ASAP1: variants seen among roughly 807,000 people sequenced by gnomAD.
ASAP1 encodes ArfGAP with SH3 domain, ankyrin repeat and PH domain 1.
A neutral mutation model predicts 145.2 loss-of-function variants in ASAP1; 43 were observed. The ratio of observed to expected loss-of-function variants is 0.30; its 90% confidence interval spans 0.23 to 0.38. ASAP1 has a LOEUF of 0.38. ASAP1 is among the 10% of genes least tolerant of loss of function. The pLI is 1.00. For missense variants in ASAP1, 1,018 were observed against 1,355.3 expected (o/e 0.75, Z 3.91); for synonymous variants, 546 against 515.5 (o/e 1.06, Z -0.80).
intron 27 of ASAP1, among the ~76,000 whole-genome samples, chr8:130,064,584 C>T (rs2097426347): frequency 6.6e-6 from 1 of 152,176 alleles, no homozygotes; most frequent in Non-Finnish European, 1.5e-5. Context: ...ATCATCAACA[C>T]AGAAGAAAAC....
chr8:130,181,923 C>T (rs1272645218), intron 7 of ASAP1, among the ~76,000 whole-genome samples: 1 of 152,154 alleles, frequency 6.6e-6, no homozygotes, highest in South Asian at 2.1e-4. Flanking sequence ...GTAGGGGAAA[C>T]CAACTCTGAA....
chr8:130,401,766 G>T, intron 2 of ASAP1, 119 bp downstream of exon 2: 1 of 885,248 alleles, frequency 1.1e-6, no homozygotes, highest in Non-Finnish European at 1.8e-6. Context: ...CGTGCACACA[G>T]TCTCTGTTAG....
intron 3 of ASAP1, among the ~76,000 whole-genome samples, chr8:130,238,119 A>T (rs1818320087): frequency 6.6e-6 from 1 of 152,102 alleles, no homozygotes; most frequent in Admixed American, 6.6e-5. Context: ...AATTCCCCTT[A>T]TGGAAAATGG....
At chr8:130,245,605 A>G (rs1818800126) in intron 3 of ASAP1, among the ~76,000 whole-genome samples, 1 of 152,196 alleles carries the variant, frequency 6.6e-6, no homozygotes, top group Non-Finnish European at 1.5e-5. Flanking sequence ...GTACTGCATA[A>G]AACTAGCTCG....
chr8:130,360,005 C>A (rs940701753), intron 2 of ASAP1, among the ~76,000 whole-genome samples: 1 of 152,216 alleles, frequency 6.6e-6, no homozygotes, highest in Admixed American at 6.5e-5. Flanking sequence ...GGGATCTTGT[C>A]TTAGCCTTGG....
chr8:130,147,462 GT>G (rs889160293), intron 13 of ASAP1, among the ~76,000 whole-genome samples: 1 of 152,154 alleles, frequency 6.6e-6, no homozygotes, highest in African/African-American at 2.4e-5. Flanking sequence ...TGAAATTCAA[GT>G]CTAGGCAGTC....
At chr8:130,160,116 G>A (rs914973125) in intron 11 of ASAP1, 152 bp from the exon 12 acceptor site, 4 of 642,796 alleles carry the variant, frequency 6.2e-6, no homozygotes, top group Non-Finnish European at 1.1e-5. Flanking sequence ...TTTTAGAGGA[G>A]GAAACAGGGC....
intron 3 of ASAP1, among the ~76,000 whole-genome samples, chr8:130,341,731 G>A (rs1349661762): frequency 2.0e-5 from 3 of 152,162 alleles, no homozygotes; most frequent in Admixed American, 2.0e-4. Context: ...CACGTACCAA[G>A]TGACCAAGGT....
chr8:130,349,880 G>A (rs1825900673), intron 3 of ASAP1, among the ~76,000 whole-genome samples: 1 of 152,216 alleles, frequency 6.6e-6, no homozygotes, highest in Non-Finnish European at 1.5e-5. Flanking sequence ...GCTTAGACAT[G>A]AAGTGTAGCC....
At chr8:130,219,476 G>A (rs993532946) in intron 4 of ASAP1, among the ~76,000 whole-genome samples, 8 of 152,082 alleles carry the variant, frequency 5.3e-5, no homozygotes, top group Non-Finnish European at 7.4e-5. Context: ...AGAAGGCTGC[G>A]GTGGTGGGAC....
intron 4 of ASAP1, among the ~76,000 whole-genome samples, chr8:130,230,473 A>C (rs1817847124): frequency 6.6e-6 from 1 of 152,106 alleles, no homozygotes; most frequent in East Asian, 1.9e-4. Context: ...TTAAGGAGTA[A>C]TGCTCTCCTG....
intron 2 of ASAP1, among the ~76,000 whole-genome samples, chr8:130,393,321 G>C (rs1173298685): frequency 1.3e-5 from 2 of 152,174 alleles, no homozygotes; most frequent in African/African-American, 4.8e-5. Context: ...CTTTACTGAG[G>C]GGAATGTGCT....
At chr8:130,132,693 T>C (rs1005234596) in intron 15 of ASAP1, among the ~76,000 whole-genome samples, 2 of 152,204 alleles carry the variant, frequency 1.3e-5, no homozygotes, top group Admixed American at 6.5e-5. Context: ...AGGGGCTCCA[T>C]CTAATTTAAT....
intron 3 of ASAP1, among the ~76,000 whole-genome samples, chr8:130,251,343 G>T (rs532769290): frequency 1.3e-5 from 2 of 152,098 alleles, no homozygotes; most frequent in Admixed American, 1.3e-4. Context: ...GCTTGAACCT[G>T]GGGGGAGGAG....
chr8:130,394,027 A>G (rs935734020), intron 2 of ASAP1, among the ~76,000 whole-genome samples: 2 of 152,280 alleles, frequency 1.3e-5, no homozygotes, highest in East Asian at 3.9e-4. Flanking sequence ...GATGTATGTC[A>G]ACTCAGGACC....
chr8:130,223,398 A>G (rs1280343890), intron 4 of ASAP1, among the ~76,000 whole-genome samples: 1 of 152,206 alleles, frequency 6.6e-6, no homozygotes, highest in African/African-American at 2.4e-5. Context: ...GCCTATAAGG[A>G]ACATGGAATG....
At chr8:130,229,575 ATAAC>A (rs1197211161) in intron 4 of ASAP1, among the ~76,000 whole-genome samples, 3 of 152,294 alleles carry the variant, frequency 2.0e-5, no homozygotes, top group African/African-American at 2.4e-5. Flanking sequence ...AACAGTGAAA[ATAAC>A]TAATTGAAGA....
At chr8:130,300,151 CACAGAGAGAGAGAG>C (rs1376579582) in intron 3 of ASAP1, among the ~76,000 whole-genome samples, 86 of 84,728 alleles carry the variant, frequency 1.0e-3, no homozygotes, top group Admixed American at 5.0e-4. Flanking sequence ...CACACACACA[CACAGAGAGAGAGAG>C]AGAGAGAGAG....
chr8:130,338,428 A>T (rs1376839275), intron 3 of ASAP1, among the ~76,000 whole-genome samples: 1 of 152,198 alleles, frequency 6.6e-6, no homozygotes, highest in Admixed American at 6.5e-5. Context: ...TCAACAAAGA[A>T]CAGCCAGCAA....
Sources: gnomAD v4.1 joint callset for allele counts (sites outside exome capture counted in the v4.1 genomes callset) on GRCh38, gnomAD v4.1.1 for gene constraint, MANE v1.5 for transcripts, NCBI Gene and HGNC (gene_info 2026-07-23, HGNC 2026-07-21) for gene names.